The following PCDH7 variants were observed in gnomAD, a reference collection of about 807,000 sequenced individuals.
The protein encoded by PCDH7 is protocadherin-7.
PCDH7 carries 17 observed loss-of-function variants against 58.9 expected under a neutral mutation model. That is an observed-to-expected ratio of 0.29 (90% confidence interval 0.20 to 0.43). The LOEUF (loss-of-function observed/expected upper bound fraction) is 0.43. PCDH7 is among the 20% of genes least tolerant of loss of function. The pLI, the probability that PCDH7 is intolerant of heterozygous loss-of-function variation, is 1.00. For missense variants in PCDH7, 1,274 were observed against 1,441.0 expected, an observed-to-expected ratio of 0.88 and a Z score of 1.88; for synonymous variants, 664 against 616.4, an observed-to-expected ratio of 1.08 and a Z score of -1.14.
chr4:31,110,348 G>A (rs150534403), intron 3 of PCDH7, among the ~76,000 whole-genome samples: 6 of 152,190 alleles, frequency 3.9e-5, no homozygotes, highest in Non-Finnish European at 5.9e-5. Context: ...TCATAACCTC[G>A]TACAAGTTTT....
chr4:30,780,422 G>A (rs1722624554), intron 1 of PCDH7, among the ~76,000 whole-genome samples: 1 of 151,556 alleles, frequency 6.6e-6, no homozygotes, highest in Non-Finnish European at 1.5e-5. Flanking sequence ...CAGGAGAATC[G>A]CTTGAACCCA....
chr4:31,134,147 T>C (rs1248796626), intron 3 of PCDH7, among the ~76,000 whole-genome samples: 2 of 152,052 alleles, frequency 1.3e-5, no homozygotes, highest in African/African-American at 4.8e-5. Context: ...CAGTCTATTA[T>C]CCATGATGAG....
intron 1 of PCDH7, among the ~76,000 whole-genome samples, chr4:30,858,509 G>A (rs148869290): frequency 2.0e-3 from 310 of 152,218 alleles, no homozygotes; most frequent in African/African-American, 7.0e-3. Flanking sequence ...TCTAACCGGT[G>A]CAAGTAATTA....
intron 1 of PCDH7, among the ~76,000 whole-genome samples, chr4:30,917,491 TAC>T (rs1742627577): frequency 6.6e-6 from 1 of 152,124 alleles, no homozygotes; most frequent in Admixed American, 6.6e-5. Context: ...CATTGTATGA[TAC>T]ATTTTATTTT....
intron 3 of PCDH7, among the ~76,000 whole-genome samples, chr4:31,023,310 T>C (rs1343111886): frequency 6.6e-6 from 1 of 152,182 alleles, no homozygotes; most frequent in African/African-American, 2.4e-5. Context: ...AAAAATAGAC[T>C]ATGACACTCA....
intron 3 of PCDH7, among the ~76,000 whole-genome samples, chr4:30,967,530 A>T (rs934539239): frequency 6.6e-6 from 1 of 152,166 alleles, no homozygotes; most frequent in Admixed American, 6.5e-5. Context: ...AACATAGACA[A>T]TTGTATAAAC....
intron 3 of PCDH7, among the ~76,000 whole-genome samples, chr4:30,983,433 G>A (rs1560553542): frequency 1.3e-5 from 2 of 152,034 alleles, no homozygotes; most frequent in African/African-American, 2.4e-5. Flanking sequence ...TCACTGCACG[G>A]GTCAGCATTT....
chr4:30,991,298 T>A (rs1014480682), intron 3 of PCDH7, among the ~76,000 whole-genome samples: 1 of 152,176 alleles, frequency 6.6e-6, no homozygotes, highest in Non-Finnish European at 1.5e-5. Context: ...CATTTTTACC[T>A]AAATGGACAA....
chr4:30,786,016 A>G (rs997386238), intron 1 of PCDH7, among the ~76,000 whole-genome samples: 8 of 152,094 alleles, frequency 5.3e-5, no homozygotes, highest in African/African-American at 1.9e-4. Flanking sequence ...AATATTTAAC[A>G]CTATTTAAAA....
At chr4:31,067,618 A>C (rs1758198481) in intron 3 of PCDH7, among the ~76,000 whole-genome samples, 1 of 151,980 alleles carries the variant, frequency 6.6e-6, no homozygotes, top group South Asian at 2.1e-4. Flanking sequence ...AGTGTTATCA[A>C]GGGACCAGGA....
chr4:30,991,777 A>C (rs930391839), intron 3 of PCDH7, among the ~76,000 whole-genome samples: 2 of 152,278 alleles, frequency 1.3e-5, no homozygotes, highest in South Asian at 4.1e-4. Flanking sequence ...GAAAATAATT[A>C]AAGTATTGCT....
At chr4:31,100,311 T>C (rs899193951) in intron 3 of PCDH7, among the ~76,000 whole-genome samples, 6 of 152,184 alleles carry the variant, frequency 3.9e-5, no homozygotes, top group Admixed American at 1.3e-4. Context: ...AGTGAGAGAT[T>C]ATTTAAGTCA....
intron 3 of PCDH7, among the ~76,000 whole-genome samples, chr4:30,986,241 T>C (rs765022515): frequency 1.3e-5 from 2 of 152,172 alleles, no homozygotes; most frequent in African/African-American, 2.4e-5. Flanking sequence ...TGATTTCTCC[T>C]TGCCTACTAA....
rs755311983 is a variant in PCDH7 at position 30,722,368 on chromosome 4, G to T, written c.946G>T (p.Asp316Tyr). Residue 316 changes from aspartate (D) to tyrosine (Y), a missense_variant, in exon 1 of 2, where the codon GAC (aspartate) becomes TAC (tyrosine). Asp to Tyr is a radical substitution (Grantham distance 160, BLOSUM62 -3). Coordinates refer to ENST00000361762, the Ensembl canonical transcript of PCDH7. The surrounding 1 kb of genome is among the most constrained non-coding windows in gnomAD (Gnocchi z 7.6). ...CTTCGAGAAGAGCGTGTACGAGGCCGACTTGGCTGAGAACAGCGCCCCGGG... is the reference window on the plus strand; with the variant it reads ...CTTCGAGAAGAGCGTGTACGAGGCCTACTTGGCTGAGAACAGCGCCCCGGG... 5 of 1,612,496 alleles carry T rather than the reference G, an allele frequency of 3.1e-6. No homozygotes were observed. The highest frequency in any genetic ancestry group is 3.4e-6 in the Non-Finnish European group (4 of 1,179,888).
chr4:31,104,480 A>G (rs1016755308), intron 3 of PCDH7, among the ~76,000 whole-genome samples: 2 of 152,210 alleles, frequency 1.3e-5, no homozygotes, highest in African/African-American at 4.8e-5. Context: ...TAATTGAATC[A>G]ATGCTTAGTG....
intron 1 of PCDH7, among the ~76,000 whole-genome samples, chr4:30,903,920 CT>C: frequency 6.6e-6 from 1 of 152,048 alleles, no homozygotes; most frequent in East Asian, 1.9e-4. Context: ...TGATTTTACA[CT>C]TATTAAGCTA....
intron 3 of PCDH7, among the ~76,000 whole-genome samples, chr4:31,127,346 TA>T (rs1718430629): frequency 6.6e-6 from 1 of 152,200 alleles, no homozygotes; most frequent in Non-Finnish European, 1.5e-5. Flanking sequence ...CAGACACGTT[TA>T]ACTAAAGAAG....
chr4:30,918,760 A>T (rs573785373), intron 1 of PCDH7, among the ~76,000 whole-genome samples: 2 of 152,272 alleles, frequency 1.3e-5, no homozygotes, highest in South Asian at 2.1e-4. Context: ...AAATAAGTAC[A>T]TGAATTGTGA....
intron 1 of PCDH7, among the ~76,000 whole-genome samples, chr4:30,855,967 C>CTGAA (rs1217719752): frequency 6.6e-6 from 1 of 152,108 alleles, no homozygotes. Flanking sequence ...TAATCATCAA[C>CTGAA]TGAATGCAGT....
Sources: allele counts gnomAD v4.1 joint callset (sites outside exome capture counted in the v4.1 genomes callset), GRCh38; gene constraint gnomAD v4.1.1; non-coding constraint Gnocchi (gnomAD v3.1); transcripts MANE v1.5; gene names NCBI Gene and HGNC (gene_info 2026-07-23, HGNC 2026-07-21).